Variants in DMD observed in about 807,000 individuals in gnomAD.
DMD encodes dystrophin.
A neutral mutation model predicts 330.1 loss-of-function variants in DMD; 63 were observed. The observed-to-expected ratio is 0.19, with a 90% CI of 0.16 to 0.24. The LOEUF is 0.24. Among genes scored for constraint, DMD ranks in the 10% least tolerant of loss-of-function variants. The pLI is 1.00. For synonymous variants in DMD, 1,223 were observed against 959.8 expected (o/e 1.27, Z -5.07); for missense variants, 3,344 against 2,684.1 (o/e 1.25, Z -5.43).
At position 31,290,069 on chromosome X, in the gene DMD, C is replaced by T. The variant is rs144123796; in HGVS notation, c.9225-29053G>A. ...CCGAGTAGCTGGGATTACAGGTGCA[C>T]GCCACCATGCCTGGCTGATTTTTAT... On this transcript the variant is annotated intron_variant, in intron 62 of 78. Transcript: ENST00000357033. 6.1e-3 allele frequency among the ~76,000 whole-genome samples: 658 copies of T among 108,460 alleles called. 2 individuals carry two copies. Among genetic ancestry groups the T allele is most frequent in the Admixed American group, 9.9e-3 (100 of 10,073 alleles). 94.2% of individuals were successfully genotyped at this position (108,460 alleles called of 115,157 possible). A position where few individuals can be genotyped will look rare whatever the true frequency, so the allele number is the denominator to read the frequency against.
intron 30 of DMD, among the ~76,000 whole-genome samples, chrX:32,406,018 C>A (rs765426765): frequency 2.7e-5 from 3 of 110,833 alleles, no homozygotes; most frequent in African/African-American, 9.8e-5. Context: ...GAAGCAATTG[C>A]GAATGGGAGT....
intron 2 of DMD, among the ~76,000 whole-genome samples, chrX:32,910,657 G>A (rs1442613189): frequency 9.0e-6 from 1 of 111,244 alleles, no homozygotes; most frequent in Admixed American, 9.6e-5. Flanking sequence ...TGGCCAGGCT[G>A]GTCTCGAAAT....
intron 61 of DMD, among the ~76,000 whole-genome samples, chrX:31,347,037 G>GAAGGAAA (rs1491435471): frequency 4.3e-5 from 1 of 23,361 alleles, no homozygotes; most frequent in East Asian, 2.3e-3. Flanking sequence ...AAAAAAAAAA[G>GAAGGAAA]GAAGGATGCA....
At chrX:32,337,647 TA>T (rs1377747817) in intron 41 of DMD, among the ~76,000 whole-genome samples, 1 of 110,731 alleles carries the variant, frequency 9.0e-6, no homozygotes, top group African/African-American at 3.3e-5. Context: ...ACAAGCCTTA[TA>T]TTTGTTGCCA....
intron 52 of DMD, among the ~76,000 whole-genome samples, chrX:31,688,646 G>C (rs1422660219): frequency 1.8e-5 from 2 of 111,353 alleles, no homozygotes; most frequent in Non-Finnish European, 3.8e-5. Flanking sequence ...TGATACCAAA[G>C]CCTGGCAGAG....
intron 60 of DMD, chrX:31,435,561 T>C (rs1430905778): frequency 8.9e-6 from 1 of 112,263 alleles, no homozygotes; most frequent in Non-Finnish European, 1.9e-5. Context: ...CCTTTAAAAG[T>C]AGCATTTCTG....
chrX:32,745,124 T>G (rs1302153603), intron 7 of DMD, among the ~76,000 whole-genome samples: 1 of 111,907 alleles, frequency 8.9e-6, no homozygotes. Flanking sequence ...ATCTCAGTTG[T>G]TTTTGGCAAG....
intron 2 of DMD, among the ~76,000 whole-genome samples, chrX:32,851,896 T>A (rs1032364799): frequency 1.8e-5 from 2 of 111,867 alleles, no homozygotes; most frequent in Non-Finnish European, 3.8e-5. Context: ...ATCTCAGCAG[T>A]TAGAAGCTGA....
At chrX:31,534,908 T>G in intron 55 of DMD, among the ~76,000 whole-genome samples, 1 of 39,702 alleles carries the variant, frequency 2.5e-5, no homozygotes, top group Non-Finnish European at 4.1e-5. Context: ...GAGAATAAAA[T>G]ACCTAGGAAT....
chrX:32,514,712 G>A (rs1288588788), intron 18 of DMD, among the ~76,000 whole-genome samples: 2 of 112,604 alleles, frequency 1.8e-5, no homozygotes, highest in Non-Finnish European at 1.9e-5. Flanking sequence ...CTGCACTCCC[G>A]CCTGGGACAG....
rs149094085 is a variant in DMD, at chrX:33,076,076, T to C, written c.32-55876A>G. ...GACGTTTTGCAGACCCTGCACTCGA[T>C]GGATCAACTGGTACCACACAGATCA... On this transcript the variant is annotated intron_variant, in intron 1 of 78. Transcript: ENST00000357033. 9.3e-3 allele frequency among the ~76,000 whole-genome samples: 1,041 copies of C among 111,448 alleles called. 28 individuals are homozygous for C. Among genetic ancestry groups the C allele is most frequent in the Admixed American group, 0.063 (660 of 10,449 alleles).
chrX:31,568,057 C>T lies in DMD; in HGVS notation c.8217+59616G>A, dbSNP rs923053980. Among the ~76,000 whole-genome samples, 3 of 111,448 alleles carry T rather than the reference C, an allele frequency of 2.7e-5. No individual in the cohort carries two copies. The Admixed American group carries it at 2.9e-4, about 11-fold the overall frequency. On this transcript the variant is annotated intron_variant, in intron 55 of 78. Transcript: ENST00000357033. Reference sequence around the variant, plus strand: ...CTGGGGAAAATGATTTAAAGGTGTGCTGCTTCATTTCCAAGTGTTTTGAGG... The same window carrying T: ...CTGGGGAAAATGATTTAAAGGTGTGTTGCTTCATTTCCAAGTGTTTTGAGG...
At chrX:31,654,143 T>C (rs180700632) in intron 54 of DMD, among the ~76,000 whole-genome samples, 2 of 112,348 alleles carry the variant, frequency 1.8e-5, no homozygotes, top group African/African-American at 6.4e-5. Context: ...AACATGGCAG[T>C]GTCTGATATC....
At chrX:32,241,049 G>A (rs1487668635) in intron 43 of DMD, among the ~76,000 whole-genome samples, 2 of 112,194 alleles carry the variant, frequency 1.8e-5, no homozygotes, top group Non-Finnish European at 3.8e-5. Context: ...TGTCTGTGCA[G>A]ATGTCTCTTC....
At chrX:32,122,150 A>G (rs2096639434) in intron 44 of DMD, among the ~76,000 whole-genome samples, 1 of 111,557 alleles carries the variant, frequency 9.0e-6, no homozygotes, top group African/African-American at 3.3e-5. Flanking sequence ...TCTAAAATTC[A>G]GGCCTGTGAA....
intron 1 of DMD, among the ~76,000 whole-genome samples, chrX:33,136,224 A>G (rs1160297013): frequency 1.2e-5 from 1 of 83,277 alleles, no homozygotes; most frequent in Non-Finnish European, 2.1e-5. Context: ...GGCTGCAGTG[A>G]GCTGTGATTA....
chrX:31,141,844 C>G (rs1300959690), intron 76 of DMD, among the ~76,000 whole-genome samples: 1 of 111,190 alleles, frequency 9.0e-6, no homozygotes, highest in African/African-American at 3.3e-5. Flanking sequence ...ATGGAAGGAG[C>G]GCCCAGGGAG....
chrX:31,124,772 A>G (rs1411674214), intron 78 of DMD, among the ~76,000 whole-genome samples: 1 of 112,139 alleles, frequency 8.9e-6, no homozygotes, highest in Non-Finnish European at 1.9e-5. Context: ...TGTTTTCCAC[A>G]GCGATTGGAA....
intron 55 of DMD, among the ~76,000 whole-genome samples, chrX:31,575,407 G>A (rs1205918195): frequency 2.7e-5 from 3 of 111,535 alleles, no homozygotes; most frequent in Non-Finnish European, 5.7e-5. Context: ...ACTTAATTGT[G>A]AAATAAATAC....
Sources: allele counts gnomAD v4.1 joint callset (sites outside exome capture counted in the v4.1 genomes callset), GRCh38; gene constraint gnomAD v4.1.1; transcripts MANE v1.5; gene names NCBI Gene and HGNC (gene_info 2026-07-23, HGNC 2026-07-21).